PCCA: variants seen among roughly 807,000 people sequenced by gnomAD.
PCCA encodes propionyl-CoA carboxylase subunit alpha.
In PCCA, 74 loss-of-function variants were observed where a neutral mutation model predicts 101.3. The observed-to-expected ratio is 0.73, with a 90% CI of 0.61 to 0.89. The LOEUF is 0.89. Ranked by LOEUF, PCCA falls within the 40% of genes least tolerant of loss-of-function variation. PCCA has a pLI of 0.00. For synonymous variants in PCCA, 294 were observed against 313.6 expected, an observed-to-expected ratio of 0.94 and a Z score of 0.66; for missense variants, 891 against 907.0, an observed-to-expected ratio of 0.98 and a Z score of 0.23.
chr13:100,288,724 C>T (rs552864269), intron 12 of PCCA, among the ~76,000 whole-genome samples: 2 of 152,264 alleles, frequency 1.3e-5, no homozygotes, highest in East Asian at 3.9e-4. Flanking sequence ...ATCCAAGACA[C>T]CTTTGCATTT....
At chr13:100,376,057 G>A (rs754718556) in intron 19 of PCCA, among the ~76,000 whole-genome samples, 7 of 152,214 alleles carry the variant, frequency 4.6e-5, no homozygotes, top group Non-Finnish European at 8.8e-5. Context: ...TGTTGATGCT[G>A]ATGCTGTTCC....
At chr13:100,319,414 T>C (rs923342843) in intron 16 of PCCA, among the ~76,000 whole-genome samples, 8 of 152,018 alleles carry the variant, frequency 5.3e-5, no homozygotes, top group Admixed American at 2.0e-4. Flanking sequence ...CTTGCCCATG[T>C]CTATGTCCTG....
Position 100,312,797 on chromosome 13 carries a change from G to A in PCCA, c.1429+2889G>A, listed in dbSNP as rs529968580. On this transcript the variant is annotated intron_variant, in intron 16 of 23. Transcript: ENST00000376285. ...AATCGTTAAAGTAGAAAAGCAATTT[G>A]TAGTCATGTGTAGTACATTCTCATA... Among the ~76,000 whole-genome samples the A allele has an allele frequency of 2.0e-5, 3 of 152,300 alleles. No individual in the cohort carries two copies. The South Asian group carries it at 6.2e-4, about 32-fold the overall frequency.
At chr13:100,221,417 TG>T (rs1220308008) in intron 7 of PCCA, among the ~76,000 whole-genome samples, 1 of 152,180 alleles carries the variant, frequency 6.6e-6, no homozygotes, top group Non-Finnish European at 1.5e-5. Flanking sequence ...CATGTGTCTG[TG>T]GGTAATACAC....
At chr13:100,090,326 G>C (rs903137670) in intron 1 of PCCA, among the ~76,000 whole-genome samples, 2 of 152,128 alleles carry the variant, frequency 1.3e-5, no homozygotes, top group Admixed American at 6.5e-5. Context: ...ACTGTTTTCT[G>C]TGTTCCCATA....
intron 21 of PCCA, among the ~76,000 whole-genome samples, chr13:100,503,438 C>T (rs571573553): frequency 2.6e-5 from 4 of 152,154 alleles, no homozygotes; most frequent in East Asian, 3.9e-4. Context: ...TGTGGTGAGC[C>T]GAGGTTGCGC....
At chr13:100,522,967 C>T (rs2153003880) in intron 22 of PCCA, among the ~76,000 whole-genome samples, 1 of 152,384 alleles carries the variant, frequency 6.6e-6, no homozygotes, top group East Asian at 1.9e-4. Flanking sequence ...GTCTTGAGCA[C>T]CGCTTTCAAG....
At chr13:100,141,658 C>T (rs1198877039) in intron 4 of PCCA, among the ~76,000 whole-genome samples, 1 of 152,278 alleles carries the variant, frequency 6.6e-6, no homozygotes, top group East Asian at 1.9e-4. Context: ...AGTGATCTGC[C>T]CGCCTTGGCC....
chr13:100,321,271 A>G (rs1034051473), intron 16 of PCCA, among the ~76,000 whole-genome samples: 3 of 152,148 alleles, frequency 2.0e-5, no homozygotes, highest in East Asian at 1.9e-4. Flanking sequence ...TTAATTTCCC[A>G]TGTTTTATTT....
chr13:100,469,280 C>A (rs1426493533), intron 21 of PCCA, among the ~76,000 whole-genome samples: 11 of 149,876 alleles, frequency 7.3e-5, no homozygotes, highest in African/African-American at 2.7e-4. Flanking sequence ...CTTATTAAGC[C>A]TTCAGAGCTA....
chr13:100,238,071 T>C (rs989979989), intron 8 of PCCA, among the ~76,000 whole-genome samples: 2 of 151,912 alleles, frequency 1.3e-5, no homozygotes, highest in Non-Finnish European at 2.9e-5. Context: ...CCTGAGTAGC[T>C]GGGATTGCAG....
At chr13:100,310,695 T>C (rs752064577) in intron 16 of PCCA, among the ~76,000 whole-genome samples, 94 of 152,316 alleles carry the variant, frequency 6.2e-4, no homozygotes, top group Non-Finnish European at 1.1e-3. Context: ...TTCCCACTAA[T>C]TTGCTTACTC....
At chr13:100,528,745 T>A (rs1292655659) in intron 23 of PCCA, among the ~76,000 whole-genome samples, 2 of 152,254 alleles carry the variant, frequency 1.3e-5, no homozygotes, top group Admixed American at 6.5e-5. Flanking sequence ...GTGGCGTTTT[T>A]AAGGAATTCT....
chr13:100,169,515 CTTTTTAT>C (rs1367900158), intron 6 of PCCA, among the ~76,000 whole-genome samples: 4 of 150,920 alleles, frequency 2.7e-5, no homozygotes, highest in African/African-American at 9.7e-5. Flanking sequence ...TGAACTCATG[CTTTTTAT>C]TTTTTATTTT....
chr13:100,420,860 G>A (rs574781357), intron 19 of PCCA, among the ~76,000 whole-genome samples: 1 of 152,256 alleles, frequency 6.6e-6, no homozygotes, highest in African/African-American at 2.4e-5. Context: ...GGTCTGAAGT[G>A]GTTGTTGATT....
chr13:100,477,841 G>A (rs1466483169), intron 21 of PCCA, among the ~76,000 whole-genome samples: 1 of 152,140 alleles, frequency 6.6e-6, no homozygotes, highest in East Asian at 1.9e-4. Context: ...CTTGGCTCCT[G>A]GGAAAGAAAG....
chr13:100,460,061 A>G (rs892877723), intron 21 of PCCA, among the ~76,000 whole-genome samples: 4 of 152,258 alleles, frequency 2.6e-5, no homozygotes, highest in Non-Finnish European at 5.9e-5. Context: ...AGTCCCTAAC[A>G]TACATTTGGT....
chr13:100,140,637 A>G (rs1174064129), intron 4 of PCCA, among the ~76,000 whole-genome samples: 1 of 152,164 alleles, frequency 6.6e-6, no homozygotes, highest in Non-Finnish European at 1.5e-5. Flanking sequence ...AGTAATTTGA[A>G]TTCTTTTCTT....
chr13:100,165,902 A>G (rs1431220670), intron 6 of PCCA, among the ~76,000 whole-genome samples: 4 of 152,198 alleles, frequency 2.6e-5, no homozygotes, highest in African/African-American at 9.7e-5. Context: ...AAATAAGTAA[A>G]TAAGTACAAT....
Sources: allele counts gnomAD v4.1 joint callset (sites outside exome capture counted in the v4.1 genomes callset), GRCh38; gene constraint gnomAD v4.1.1; transcripts MANE v1.5; gene names NCBI Gene and HGNC (gene_info 2026-07-23, HGNC 2026-07-21).